The following MARK3 variants were observed in gnomAD, a reference collection of about 807,000 sequenced individuals.
MARK3 encodes MAP/microtubule affinity-regulating kinase 3.
MARK3 carries 46 observed loss-of-function variants against 90.1 expected under a neutral mutation model. The ratio of observed to expected loss-of-function variants is 0.51; its 90% CI spans 0.40 to 0.65. MARK3 has a LOEUF of 0.65. MARK3 is among the 30% of genes least tolerant of loss of function. MARK3 has a pLI of 0.00. For synonymous variants in MARK3, 321 were observed against 332.6 expected, an observed-to-expected ratio of 0.97 and a Z score of 0.38; for missense variants, 818 against 947.2, an observed-to-expected ratio of 0.86 and a Z score of 1.79.
chr14:103,432,574 G>A (rs933033152), intron 3 of MARK3, among the ~76,000 whole-genome samples: 7 of 152,068 alleles, frequency 4.6e-5, no homozygotes, highest in East Asian at 1.9e-4. Flanking sequence ...AGGCAGGCCC[G>A]GCACAGTGGC....
intron 1 of MARK3, among the ~76,000 whole-genome samples, chr14:103,397,549 A>G (rs553067443): frequency 6.6e-6 from 1 of 151,698 alleles, no homozygotes; most frequent in South Asian, 2.1e-4. Context: ...CTGGTCTCGA[A>G]CTCCTGACCT....
chr14:103,460,537 A>G (rs2093381071), intron 6 of MARK3, among the ~76,000 whole-genome samples: 1 of 152,172 alleles, frequency 6.6e-6, no homozygotes, highest in Admixed American at 6.5e-5. Flanking sequence ...TGGTAATAGA[A>G]TGCAAAAAAA....
chr14:103,386,885 A>G (rs2089847948), intron 1 of MARK3, among the ~76,000 whole-genome samples: 1 of 152,250 alleles, frequency 6.6e-6, no homozygotes, highest in Non-Finnish European at 1.5e-5. Context: ...ATGTGAAACT[A>G]CAAAATGCCA....
chr14:103,428,528 T>C (rs2092481728), intron 3 of MARK3, 88 bp downstream of exon 3: 12 of 715,970 alleles, frequency 1.7e-5, no homozygotes, highest in South Asian at 1.6e-4. Context: ...CCAACTGTTA[T>C]TTTATGTTTA....
At chr14:103,497,707 G>A (rs1222727018) in intron 15 of MARK3, among the ~76,000 whole-genome samples, 1 of 152,094 alleles carries the variant, frequency 6.6e-6, no homozygotes, top group Non-Finnish European at 1.5e-5. Context: ...TCATACCACT[G>A]TAGCAAATAA....
intron 2 of MARK3, among the ~76,000 whole-genome samples, chr14:103,421,810 A>G (rs1313631501): frequency 4.6e-5 from 7 of 152,164 alleles, no homozygotes; most frequent in Admixed American, 3.9e-4. Context: ...CAGTGGGCCT[A>G]TCAGGTGGCA....
At chr14:103,413,969 A>C (rs990472259) in intron 2 of MARK3, among the ~76,000 whole-genome samples, 2 of 152,164 alleles carry the variant, frequency 1.3e-5, no homozygotes, top group Non-Finnish European at 1.5e-5. Flanking sequence ...ACATTTGAAT[A>C]GTTTCCAGTG....
chr14:103,476,547 G>A (rs1437866365), intron 13 of MARK3, among the ~76,000 whole-genome samples: 1 of 152,214 alleles, frequency 6.6e-6, no homozygotes, highest in African/African-American at 2.4e-5. Context: ...TTCAGCTTCA[G>A]AAACTTTTTT....
intron 6 of MARK3, among the ~76,000 whole-genome samples, chr14:103,461,072 ATAC>A: frequency 6.6e-6 from 1 of 152,360 alleles, no homozygotes; most frequent in African/African-American, 2.4e-5. Context: ...CCAAAATATT[ATAC>A]AGCCCTCTGA....
At chr14:103,497,015 C>CT (rs2075387008) in intron 15 of MARK3, among the ~76,000 whole-genome samples, 1 of 152,078 alleles carries the variant, frequency 6.6e-6, no homozygotes, top group East Asian at 1.9e-4. Flanking sequence ...GTACTCCAGC[C>CT]TGGGTGATTG....
intron 13 of MARK3, among the ~76,000 whole-genome samples, chr14:103,475,942 CAA>C (rs58529423): frequency 5.6e-5 from 7 of 125,960 alleles, no homozygotes; most frequent in African/African-American, 5.7e-5. Context: ...GACTCCTTCT[CAA>C]AAAAAAAAAA....
chr14:103,391,805 G>A (rs1370137943), intron 1 of MARK3, among the ~76,000 whole-genome samples: 5 of 141,458 alleles, frequency 3.5e-5, no homozygotes, highest in South Asian at 2.4e-4. Context: ...TGATCCGCCC[G>A]CCTTGGCCTC....
chr14:103,458,454 C>A (rs367850693), intron 6 of MARK3, among the ~76,000 whole-genome samples: 76 of 30,768 alleles, frequency 2.5e-3, no homozygotes, highest in African/African-American at 3.5e-3. Flanking sequence ...GACTCCATCT[C>A]AAAAAAAAAA....
At position 103,500,148 on chromosome 14, in the gene MARK3, T is replaced by C. The variant is rs745830911; in HGVS notation, c.1872-8T>C. The C allele has an allele frequency of 3.1e-6, 5 of 1,610,212 alleles. No homozygotes were observed. The highest frequency in any genetic ancestry group is 4.2e-6 in the Non-Finnish European group (5 of 1,177,220). ...TCTTCTCTCTGCTTCTACATTCTGT[T>C]CATTGAGGCTTCCAACTGAATATGA... On this transcript the variant is annotated splice_polypyrimidine_tract_variant and splice_region_variant and intron_variant, in intron 16 of 17. Transcript: ENST00000429436.
At chr14:103,436,648 T>G (rs1426554320) in intron 3 of MARK3, among the ~76,000 whole-genome samples, 1 of 152,186 alleles carries the variant, frequency 6.6e-6, no homozygotes, top group African/African-American at 2.4e-5. Flanking sequence ...GGTCTTACTT[T>G]GTAGCCCAAG....
chr14:103,471,212 C>G (rs1050452253), intron 12 of MARK3, among the ~76,000 whole-genome samples: 1 of 152,166 alleles, frequency 6.6e-6, no homozygotes, highest in East Asian at 1.9e-4. Flanking sequence ...AGAAACCTGA[C>G]AATGGGATTT....
chr14:103,410,252 G>A (rs2140799608), intron 2 of MARK3, among the ~76,000 whole-genome samples: 1 of 152,286 alleles, frequency 6.6e-6, no homozygotes, highest in South Asian at 2.1e-4. Context: ...CTTGATACAT[G>A]AAGGGCGTGA....
At position 103,457,674 on chromosome 14, in the gene MARK3, A is replaced by G. The variant is rs181798856; in HGVS notation, c.483+462A>G. Among the ~76,000 whole-genome samples the G allele has an allele frequency of 3.4e-3, 518 of 152,338 alleles. 2 individuals carry two copies. The highest frequency in any genetic ancestry group is 0.012 in the African/African-American group (499 of 41,578). On this transcript the variant is annotated intron_variant, in intron 6 of 17. Transcript: ENST00000429436. ...GCTTTTTAAAGAGACTCGGGTTTTA[A>G]TAAGCAGGTTTTAAGCAAACAGGTT...
chr14:103,417,626 T>A (rs546252547), intron 2 of MARK3, among the ~76,000 whole-genome samples: 12 of 152,308 alleles, frequency 7.9e-5, no homozygotes, highest in African/African-American at 2.4e-4. Flanking sequence ...TGGAAAATTG[T>A]CTCTTTTTTA....
Sources: gnomAD v4.1 joint callset for allele counts (sites outside exome capture counted in the v4.1 genomes callset) on GRCh38, gnomAD v4.1.1 for gene constraint, MANE v1.5 for transcripts, NCBI Gene and HGNC (gene_info 2026-07-23, HGNC 2026-07-21) for gene names.